Variants in MCU observed in about 807,000 individuals in gnomAD.
MCU encodes the protein mitochondrial calcium uniporter.
In MCU, 12 loss-of-function variants were observed where a neutral mutation model predicts 45.2. The ratio of observed to expected loss-of-function variants is 0.27; its 90% CI spans 0.17 to 0.43. MCU has a LOEUF of 0.43. Among genes scored for constraint, MCU ranks in the 20% least tolerant of loss-of-function variants. MCU has a pLI of 1.00. For missense variants in MCU, 324 were observed against 436.7 expected (o/e 0.74, Z 2.30); for synonymous variants, 160 against 165.1 (o/e 0.97, Z 0.24).
intron 1 of MCU, among the ~76,000 whole-genome samples, chr10:72,829,480 A>G (rs977396375): frequency 6.6e-5 from 10 of 152,058 alleles, no homozygotes; most frequent in African/African-American, 2.4e-4. Flanking sequence ...TGAAATTTAA[A>G]TATATAAATA....
At chr10:72,755,628 GTTGTTA>G (rs1431485730) in intron 1 of MCU, among the ~76,000 whole-genome samples, 4 of 152,132 alleles carry the variant, frequency 2.6e-5, no homozygotes, top group Admixed American at 6.5e-5. Context: ...AGTGCTAACT[GTTGTTA>G]TTGTTATTAA....
In MCU at chr10:72,804,587, T is replaced by G. The variant is rs544511132; in HGVS notation, c.151-29772T>G. Among the ~76,000 whole-genome samples, 13 of 152,316 alleles carry G rather than the reference T, an allele frequency of 8.5e-5. No homozygotes were observed. The East Asian group carries it at 2.5e-3, about 29-fold the overall frequency. On this transcript the variant is annotated intron_variant, in intron 1 of 7. Coordinates refer to ENST00000373053, the MANE Select transcript of MCU (RefSeq NM_138357.3). Reference sequence around the variant, plus strand: ...TATAGAGAATAAACCTAATTCAGCCTTTTTCCTAACATAGTTGATTGAAAT... The same window carrying G: ...TATAGAGAATAAACCTAATTCAGCCGTTTTCCTAACATAGTTGATTGAAAT...
At chr10:72,720,094 C>T (rs1458674780) in intron 1 of MCU, among the ~76,000 whole-genome samples, 1 of 151,968 alleles carries the variant, frequency 6.6e-6, no homozygotes, top group African/African-American at 2.4e-5. Flanking sequence ...CCCAGCTGGT[C>T]TTGCACTCCT....
chr10:72,839,759 C>G (rs1845018728), intron 2 of MCU, among the ~76,000 whole-genome samples: 1 of 150,272 alleles, frequency 6.7e-6, no homozygotes, highest in Middle Eastern at 3.4e-3. Context: ...CGAGACTGTC[C>G]TGGCTAACAC....
chr10:72,741,899 G>A (rs567604607), intron 1 of MCU, among the ~76,000 whole-genome samples: 128 of 151,838 alleles, frequency 8.4e-4, no homozygotes, highest in Non-Finnish European at 1.4e-3. Context: ...ATGGTGGCGG[G>A]CGCCTGTAGT....
At chr10:72,856,387 T>A (rs1845291203) in intron 2 of MCU, among the ~76,000 whole-genome samples, 1 of 152,174 alleles carries the variant, frequency 6.6e-6, no homozygotes, top group African/African-American at 2.4e-5. Context: ...TTAGGTTTAT[T>A]TCTTGAAAAT....
intron 6 of MCU, among the ~76,000 whole-genome samples, chr10:72,876,494 T>C (rs555137886): frequency 2.0e-5 from 3 of 152,324 alleles, no homozygotes; most frequent in African/African-American, 7.2e-5. Flanking sequence ...ATCTAGGCTA[T>C]TAAATATTAC....
chr10:72,882,260 C>G (rs920257448), intron 6 of MCU, among the ~76,000 whole-genome samples: 3 of 152,066 alleles, frequency 2.0e-5, no homozygotes, highest in Non-Finnish European at 4.4e-5. Context: ...AATTGTAGAG[C>G]ATGTGTGTTT....
chr10:72,711,708 C>CTTTTT (rs759213032), intron 1 of MCU, among the ~76,000 whole-genome samples: 6 of 114,654 alleles, frequency 5.2e-5, no homozygotes, highest in East Asian at 5.4e-4. Context: ...GACTGTGTTT[C>CTTTTT]TTTTTTTTTT....
At chr10:72,796,176 T>A (rs1006537727) in intron 1 of MCU, among the ~76,000 whole-genome samples, 1 of 152,088 alleles carries the variant, frequency 6.6e-6, no homozygotes, top group Non-Finnish European at 1.5e-5. Flanking sequence ...TGGTGACTCA[T>A]GCCTGTAACC....
chr10:72,840,843 G>A (rs1845037311), intron 2 of MCU, among the ~76,000 whole-genome samples: 1 of 152,088 alleles, frequency 6.6e-6, no homozygotes, highest in African/African-American at 2.4e-5. Context: ...TTACCAAAAT[G>A]TGGATGAACT....
intron 1 of MCU, among the ~76,000 whole-genome samples, chr10:72,814,106 G>A (rs1170843085): frequency 1.3e-5 from 2 of 152,280 alleles, no homozygotes; most frequent in African/African-American, 2.4e-5. Flanking sequence ...TTACACACAT[G>A]TTCAACAAAT....
intron 1 of MCU, among the ~76,000 whole-genome samples, chr10:72,751,030 T>G (rs1361828567): frequency 6.6e-6 from 1 of 152,212 alleles, no homozygotes; most frequent in Non-Finnish European, 1.5e-5. Context: ...AGACAGAGTT[T>G]TGCTCTGTTG....
chr10:72,776,232 A>G (rs1843891647), intron 1 of MCU, among the ~76,000 whole-genome samples: 1 of 152,110 alleles, frequency 6.6e-6, no homozygotes, highest in Non-Finnish European at 1.5e-5. Flanking sequence ...GGCCAGGATT[A>G]CCCTGATACC....
intron 5 of MCU, 49 bp downstream of exon 5, chr10:72,868,912 G>C: frequency 6.4e-7 from 1 of 1,562,194 alleles, no homozygotes; most frequent in Non-Finnish European, 8.7e-7. Flanking sequence ...ATTTTTTCCA[G>C]AGCATATATG....
chr10:72,829,650 T>G (rs1844851308), intron 1 of MCU, among the ~76,000 whole-genome samples: 1 of 151,580 alleles, frequency 6.6e-6, no homozygotes, highest in East Asian at 1.9e-4. Context: ...GGAAAAAAAC[T>G]TTTACAAACT....
chr10:72,866,585 T>TG (rs1269896334), intron 4 of MCU, among the ~76,000 whole-genome samples: 2 of 151,974 alleles, frequency 1.3e-5, no homozygotes, highest in Non-Finnish European at 2.9e-5. Context: ...TTAGTAGAGT[T>TG]GGGGTTTCAT....
intron 6 of MCU, among the ~76,000 whole-genome samples, chr10:72,873,176 G>A (rs1845572251): frequency 2.0e-5 from 3 of 151,446 alleles, no homozygotes; most frequent in East Asian, 1.9e-4. Context: ...CCGCCACCAC[G>A]CCCGGCTAAT....
intron 1 of MCU, among the ~76,000 whole-genome samples, chr10:72,821,178 A>G (rs1432721815): frequency 2.0e-5 from 3 of 151,578 alleles, no homozygotes; most frequent in Admixed American, 6.6e-5. Context: ...ACAAACTACA[A>G]CGGGAACAAA....
Sources: allele counts gnomAD v4.1 joint callset (sites outside exome capture counted in the v4.1 genomes callset), GRCh38; gene constraint gnomAD v4.1.1; transcripts MANE v1.5; gene names NCBI Gene and HGNC (gene_info 2026-07-23, HGNC 2026-07-21).